Variants in RNF122 observed in about 807,000 individuals in gnomAD.
RNF122 encodes the protein ring finger protein 122.
RNF122 carries 17 observed loss-of-function variants against 24.2 expected under a neutral mutation model. The observed-to-expected ratio is 0.70, with a 90% CI of 0.48 to 1.06. The LOEUF is 1.06. Ranked by LOEUF, RNF122 falls within the 50% of genes least tolerant of loss-of-function variation. The pLI, the probability that RNF122 is intolerant of heterozygous loss-of-function variation, is 0.00. For missense variants in RNF122, 168 were observed against 198.1 expected, an observed-to-expected ratio of 0.85 and a Z score of 0.91; for synonymous variants, 65 against 71.8, an observed-to-expected ratio of 0.91 and a Z score of 0.48.
chr8:33,560,434 T>G (rs916873275), intron 1 of RNF122, among the ~76,000 whole-genome samples: 1 of 152,050 alleles, frequency 6.6e-6, no homozygotes, highest in Non-Finnish European at 1.5e-5. Flanking sequence ...AGTGCAGTGG[T>G]GTAAACATGC....
intron 2 of RNF122, among the ~76,000 whole-genome samples, chr8:33,557,270 G>A (rs907611476): frequency 2.6e-5 from 4 of 152,154 alleles, no homozygotes; most frequent in African/African-American, 9.7e-5. Context: ...GTAAACCCCA[G>A]TCAGAAACAC....
rs146414653 is a variant in RNF122 at position 33,550,940 on chromosome 8, T to G, written c.270+104A>C. Reference sequence around the variant, plus strand: ...TTTGGCCAAAGGAGATATGAAGGCATGGACTAAGCAGTTTTCTGAAAAGCG... The same window carrying G: ...TTTGGCCAAAGGAGATATGAAGGCAGGGACTAAGCAGTTTTCTGAAAAGCG... On this transcript the variant is annotated intron_variant, in intron 4 of 5. Coordinates refer to ENST00000256257, the MANE Select transcript of RNF122 (RefSeq NM_024787.3). 4 of 1,051,618 alleles carry G rather than the reference T, an allele frequency of 3.8e-6. No homozygotes were observed. In the Admixed American group the frequency reaches 5.2e-5, roughly 14 times the overall value. 65.1% of individuals were successfully genotyped at this position (1,051,618 alleles called of 1,614,324 possible).
At chr8:33,549,581 TC>T in intron 4 of RNF122, 89 bp from the exon 5 acceptor site, 3 of 969,280 alleles carry the variant, frequency 3.1e-6, no homozygotes, top group Non-Finnish European at 4.9e-6. Context: ...TCTAGCCTAG[TC>T]TGTTCTACCA....
chr8:33,565,388 T>TC (rs1554533360), intron 1 of RNF122, among the ~76,000 whole-genome samples: 2 of 150,912 alleles, frequency 1.3e-5, no homozygotes, highest in African/African-American at 4.9e-5. Context: ...ATGATTTTTT[T>TC]CCCCCTGTAA....
chr8:33,562,148 TA>T (rs1412732386), intron 1 of RNF122, among the ~76,000 whole-genome samples: 1 of 152,180 alleles, frequency 6.6e-6, no homozygotes, highest in Non-Finnish European at 1.5e-5. Context: ...GTTCGGCCCC[TA>T]CTTACTCAGT....
rs1425481960 is a variant in RNF122 at position 33,566,893 on chromosome 8, G to T, written c.-170C>A. 5 of 706,738 alleles carry T rather than the reference G, an allele frequency of 7.1e-6. No individual in the cohort carries two copies. The African/African-American group carries it at 8.9e-5, about 13-fold the overall frequency. The allele number at this position is 706,738 out of a possible 1,614,324, so 43.8% of individuals were successfully genotyped here. A position where few individuals can be genotyped will look rare whatever the true frequency, so the allele number is the denominator to read the frequency against. ...CTCCGGAGTGGGGGGCTTTGACGAG[G>T]CTGGTGTTCAGCCCAACAAAGAGGG... is the stretch of plus-strand genomic sequence containing the variant. On this transcript the variant is annotated 5_prime_UTR_variant, in exon 1 of 6. Transcript: ENST00000256257.
intron 2 of RNF122, among the ~76,000 whole-genome samples, chr8:33,557,688 C>G (rs1165558467): frequency 6.6e-6 from 1 of 151,908 alleles, no homozygotes; most frequent in Non-Finnish European, 1.5e-5. Context: ...TCCCCATGTC[C>G]TTCAACAAGA....
At position 33,567,040 on chromosome 8, in the gene RNF122, C is replaced by G. The variant is rs1810638605; in HGVS notation, c.-317G>C. On this transcript the variant is annotated 5_prime_UTR_variant, in exon 1 of 6. Coordinates refer to ENST00000256257, the MANE Select transcript of RNF122 (RefSeq NM_024787.3). ...GGGGTGCCCGGGCTGCAGAAGCCCT[C>G]GGCCGGGGGAGGAGGGAAAAACCTT... 1 of 419,548 alleles carries G rather than the reference C, an allele frequency of 2.4e-6. No individual in the cohort carries two copies. The highest frequency in any genetic ancestry group is 2.2e-5 in the African/African-American group (1 of 45,970). The allele number at this position is 419,548 out of a possible 1,614,324, so 26.0% of individuals were successfully genotyped here.
At chr8:33,558,553 C>G in intron 2 of RNF122, 62 bp downstream of exon 2, 1 of 1,443,740 alleles carries the variant, frequency 6.9e-7, no homozygotes, top group Non-Finnish European at 9.3e-7. Context: ...CAGCTTACCC[C>G]ACAACCCTGG....
chr8:33,566,927 G>A lies in RNF122; in HGVS notation c.-204C>T, dbSNP rs890259345. The A allele has an allele frequency of 9.9e-5, 61 of 617,700 alleles. No individual in the cohort carries two copies. Among genetic ancestry groups the A allele is most frequent in the African/African-American group, 9.3e-4 (50 of 53,564 alleles). 38.3% of individuals were successfully genotyped at this position (617,700 alleles called of 1,614,324 possible). A position where few individuals can be genotyped will look rare whatever the true frequency, so the allele number is the denominator to read the frequency against. The stretch of plus-strand genomic sequence containing the variant: ...CAGCCCAACAAAGAGGGACGAGGAG[G>A]AAACAAACAAAGTCCCGCGGAGCAC... On this transcript the variant is annotated 5_prime_UTR_variant, in exon 1 of 6. Coordinates refer to ENST00000256257, the MANE Select transcript of RNF122 (RefSeq NM_024787.3).
In RNF122 at chr8:33,550,221, C is replaced by A. The variant is rs539297615; in HGVS notation, c.271-729G>T. On this transcript the variant is annotated intron_variant, in intron 4 of 5. Coordinates refer to ENST00000256257, the MANE Select transcript of RNF122 (RefSeq NM_024787.3). ...GTTCTGGGATTACAGGCATGAGCCA[C>A]CGCACCTGGCCCAGTTACATTCTTT... 3.9e-5 allele frequency among the ~76,000 whole-genome samples: 6 copies of A among 152,334 alleles called. No individual in the cohort carries two copies. The South Asian group carries it at 1.0e-3, about 26-fold the overall frequency.
chr8:33,557,354 G>A (rs1020361701), intron 2 of RNF122, among the ~76,000 whole-genome samples: 6 of 152,220 alleles, frequency 3.9e-5, no homozygotes, highest in Admixed American at 2.6e-4. Flanking sequence ...CAGAGGCCGA[G>A]CACGAGGGCT....
At chr8:33,553,081 A>C (rs1810400734) in intron 2 of RNF122, among the ~76,000 whole-genome samples, 1 of 150,916 alleles carries the variant, frequency 6.6e-6, no homozygotes, top group African/African-American at 2.4e-5. Flanking sequence ...AAAAAAAAAA[A>C]AAAAAAAAAG....
Position 33,549,476 on chromosome 8 carries a change from C to G in RNF122, c.287G>C (p.Cys96Ser), listed in dbSNP as rs762450024. 8.7e-6 allele frequency: 14 copies of G among 1,614,038 alleles called. No individual in the cohort carries two copies. The highest frequency in any genetic ancestry group is 1.2e-5 in the Non-Finnish European group (14 of 1,179,914). Reference sequence around the variant, plus strand: ...ATCCTTCCCCTTGAAGTCTTCCAGACAGACTGCGCAGGTCTGCTGCAGAGA... The same window carrying G: ...ATCCTTCCCCTTGAAGTCTTCCAGAGAGACTGCGCAGGTCTGCTGCAGAGA... ...LQLYGQTCAV[C>S]LEDFKGKDEL... The change falls in exon 5 of 6, where the codon TGT becomes TCT. Residue 96 changes from cysteine (C) to serine (S), a missense_variant. Cys to Ser is a moderately radical substitution (Grantham distance 112, BLOSUM62 -1). Coordinates refer to ENST00000256257, the MANE Select transcript of RNF122 (RefSeq NM_024787.3).
intron 1 of RNF122, among the ~76,000 whole-genome samples, chr8:33,562,650 G>A (rs560399044): frequency 1.3e-5 from 2 of 151,612 alleles, no homozygotes; most frequent in Middle Eastern, 3.4e-3. Context: ...CAGGCCAGGT[G>A]CAGTGACTCA....
rs559977595 is a variant in RNF122, at chr8:33,566,726, A to T, written c.-3T>A. Reference sequence around the variant, plus strand: ...TTACACCACTGGAATGGGTGCATCAATGAAGTCGCGGTTGGCTTCCTCGGG... The same window carrying T: ...TTACACCACTGGAATGGGTGCATCATTGAAGTCGCGGTTGGCTTCCTCGGG... On this transcript the variant is annotated 5_prime_UTR_variant, in exon 1 of 6. It adds an upstream start codon to the 5' untranslated region. Transcript: ENST00000256257. 3.7e-6 allele frequency: 6 copies of T among 1,605,034 alleles called. No individual in the cohort carries two copies. The East Asian group carries it at 9.0e-5, about 24-fold the overall frequency.
intron 1 of RNF122, among the ~76,000 whole-genome samples, chr8:33,564,572 C>A (rs868555976): frequency 3.3e-5 from 5 of 150,036 alleles, no homozygotes; most frequent in Non-Finnish European, 4.4e-5. Context: ...GACCCTCTCT[C>A]AAAAAAAAAA....
chr8:33,561,064 C>T (rs1167360744), intron 1 of RNF122, among the ~76,000 whole-genome samples: 2 of 151,968 alleles, frequency 1.3e-5, no homozygotes, highest in Non-Finnish European at 2.9e-5. Flanking sequence ...AGCACATTCT[C>T]ATGCTATCAA....
At chr8:33,552,933 T>C (rs1463291525) in intron 2 of RNF122, among the ~76,000 whole-genome samples, 1 of 152,042 alleles carries the variant, frequency 6.6e-6, no homozygotes, top group Non-Finnish European at 1.5e-5. Context: ...TCACACGGCA[T>C]GGTGGCATGC....
Sources: allele counts gnomAD v4.1 joint callset (sites outside exome capture counted in the v4.1 genomes callset), GRCh38; gene constraint gnomAD v4.1.1; transcripts MANE v1.5; gene names NCBI Gene and HGNC (gene_info 2026-07-23, HGNC 2026-07-21).